Variants in HELZ observed in about 807,000 individuals in gnomAD.
The protein encoded by HELZ is helicase with zinc finger.
In HELZ, 23 loss-of-function variants were observed where a neutral mutation model predicts 218.2. The ratio of observed to expected loss-of-function variants is 0.11; its 90% CI spans 0.08 to 0.15. The LOEUF is 0.15. Among genes scored for constraint, HELZ ranks in the 10% least tolerant of loss-of-function variants. The pLI is 1.00. For missense variants in HELZ, 1,813 were observed against 2,353.7 expected (o/e 0.77, Z 4.75); for synonymous variants, 814 against 829.4 (o/e 0.98, Z 0.32).
upstream of HELZ, chr17:67,245,506 T>A (rs931778479): frequency 1.0e-6 from 1 of 985,568 alleles, no homozygotes; most frequent in Non-Finnish European, 1.2e-6. Context: ...CGCGTCTGCA[T>A]TGAATCAACC....
intron 31 of HELZ, among the ~76,000 whole-genome samples, chr17:67,096,436 G>GAC (rs2036751690): frequency 6.6e-6 from 1 of 152,200 alleles, no homozygotes; most frequent in South Asian, 2.1e-4. Flanking sequence ...GAAAGTCCTA[G>GAC]ACAGCATCTT....
At chr17:67,192,575 T>C (rs1287291679) in intron 9 of HELZ, among the ~76,000 whole-genome samples, 2 of 152,250 alleles carry the variant, frequency 1.3e-5, no homozygotes, top group African/African-American at 4.8e-5. Context: ...GAAAGTGTTA[T>C]ATTCTTATCT....
intron 31 of HELZ, among the ~76,000 whole-genome samples, chr17:67,103,794 A>C (rs1158269174): frequency 1.3e-5 from 2 of 152,220 alleles, no homozygotes; most frequent in Non-Finnish European, 2.9e-5. Context: ...TAGCCAAAAC[A>C]ATCTTCCAAA....
At chr17:67,239,228 A>G (rs1045203861) in intron 3 of HELZ, among the ~76,000 whole-genome samples, 4 of 152,134 alleles carry the variant, frequency 2.6e-5, no homozygotes, top group Non-Finnish European at 5.9e-5. Flanking sequence ...CATTTCACAC[A>G]CTAACCTGAC....
chr17:67,155,494 C>G (rs922173820), intron 17 of HELZ, among the ~76,000 whole-genome samples: 1 of 151,986 alleles, frequency 6.6e-6, no homozygotes, highest in African/African-American at 2.4e-5. Flanking sequence ...AGAACAAATC[C>G]AAAAATGTAT....
intron 3 of HELZ, chr17:67,225,660 C>A (rs951705136): frequency 6.6e-6 from 1 of 152,152 alleles, no homozygotes; most frequent in Non-Finnish European, 1.5e-5. Flanking sequence ...TGTCCCAAGA[C>A]AAAGGAGTGT....
intron 3 of HELZ, among the ~76,000 whole-genome samples, chr17:67,230,234 AG>A (rs2040999560): frequency 6.6e-6 from 1 of 152,160 alleles, no homozygotes; most frequent in Admixed American, 6.6e-5. Context: ...GAAGAGTTTG[AG>A]CCTCTTCCCA....
intron 24 of HELZ, among the ~76,000 whole-genome samples, chr17:67,124,550 G>C (rs1299405502): frequency 1.3e-5 from 2 of 152,114 alleles, no homozygotes; most frequent in African/African-American, 4.8e-5. Flanking sequence ...AAGGGGAACT[G>C]TCATTATTTG....
At chr17:67,150,256 A>G (rs965792073) in intron 18 of HELZ, 2 of 252,404 alleles carry the variant, frequency 7.9e-6, no homozygotes, top group Admixed American at 5.6e-5. Context: ...CAGCCTCCCA[A>G]GTAGCTGAGA....
At chr17:67,127,539 G>A (rs2037838075) in intron 24 of HELZ, among the ~76,000 whole-genome samples, 1 of 152,092 alleles carries the variant, frequency 6.6e-6, no homozygotes, top group Admixed American at 6.5e-5. Flanking sequence ...CTTAATTACT[G>A]CTTACACATT....
chr17:67,217,389 T>G (rs577149385), intron 4 of HELZ, among the ~76,000 whole-genome samples: 3 of 152,346 alleles, frequency 2.0e-5, no homozygotes, highest in Admixed American at 2.0e-4. Context: ...CATTTTGATC[T>G]GAGCCACTCT....
chr17:67,229,537 GA>G (rs200553651), intron 3 of HELZ, among the ~76,000 whole-genome samples: 1,623 of 152,160 alleles, frequency 0.011, 19 homozygotes, highest in South Asian at 0.018. Context: ...TTATAAATTA[GA>G]ATCCATTTTA....
intron 17 of HELZ, among the ~76,000 whole-genome samples, chr17:67,156,684 C>T (rs1235914220): frequency 2.6e-5 from 4 of 152,042 alleles, no homozygotes; most frequent in Non-Finnish European, 5.9e-5. Flanking sequence ...CCCTCCTCTC[C>T]CCTAACAATC....
At chr17:67,181,639 C>G (rs1478347905) in intron 12 of HELZ, among the ~76,000 whole-genome samples, 1 of 151,682 alleles carries the variant, frequency 6.6e-6, no homozygotes, top group African/African-American at 2.4e-5. Flanking sequence ...AAATTTTATT[C>G]CATTTACTTT....
At chr17:67,115,909 A>T (rs1445528711) in intron 27 of HELZ, among the ~76,000 whole-genome samples, 4 of 152,160 alleles carry the variant, frequency 2.6e-5, no homozygotes, top group Non-Finnish European at 5.9e-5. Flanking sequence ...GTAAATACTT[A>T]AGACTATTTT....
rs1352794389 is a variant in HELZ at position 67,235,363 on chromosome 17, G to C, written c.-19+4070C>G. Among the ~76,000 whole-genome samples the C allele has an allele frequency of 1.3e-5, 2 of 152,052 alleles. 1 individual carries two copies. Among genetic ancestry groups the C allele is most frequent in the South Asian group, 4.1e-4 (2 of 4,828 alleles). ...CTACTAAAAATACAAAAATTAGCAG[G>C]GCATGGTAGTGCGCACCTGTAATCC... On this transcript the variant is annotated intron_variant, in intron 3 of 32. Coordinates refer to ENST00000358691, the MANE Select transcript of HELZ (RefSeq NM_014877.4).
At chr17:67,116,203 G>A (rs1311685853) in intron 27 of HELZ, among the ~76,000 whole-genome samples, 1 of 151,082 alleles carries the variant, frequency 6.6e-6, no homozygotes, top group Non-Finnish European at 1.5e-5. Flanking sequence ...AGACAAAAAG[G>A]AGTCATTAAA....
At chr17:67,153,483 C>T (rs2038751330) in intron 17 of HELZ, among the ~76,000 whole-genome samples, 1 of 152,166 alleles carries the variant, frequency 6.6e-6, no homozygotes, top group Non-Finnish European at 1.5e-5. Context: ...ATTCCTCTTC[C>T]CTAGTTAGGA....
At chr17:67,170,282 T>C (rs2144170542) in intron 13 of HELZ, among the ~76,000 whole-genome samples, 1 of 152,324 alleles carries the variant, frequency 6.6e-6, no homozygotes, top group South Asian at 2.1e-4. Context: ...GCCCTCAGAC[T>C]GTTCAATACA....
Sources: allele counts gnomAD v4.1 joint callset (sites outside exome capture counted in the v4.1 genomes callset), GRCh38; gene constraint gnomAD v4.1.1; transcripts MANE v1.5; gene names NCBI Gene and HGNC (gene_info 2026-07-23, HGNC 2026-07-21).